DNM3: variants seen among roughly 807,000 people sequenced by gnomAD.
The protein encoded by DNM3 is dynamin-3.
Under a neutral mutation model 101.6 loss-of-function variants are expected in DNM3, and 47 were observed. That is an observed-to-expected ratio of 0.46 (90% CI 0.37 to 0.59). The LOEUF is 0.59. Among genes scored for constraint, DNM3 ranks in the 20% least tolerant of loss-of-function variants. The pLI is 0.00. For missense variants in DNM3, 849 were observed against 1,085.7 expected, an observed-to-expected ratio of 0.78 and a Z score of 3.06; for synonymous variants, 385 against 387.9, an observed-to-expected ratio of 0.99 and a Z score of 0.09.
chr1:172,216,856 A>T (rs2060718662), intron 14 of DNM3, among the ~76,000 whole-genome samples: 1 of 152,120 alleles, frequency 6.6e-6, no homozygotes. Flanking sequence ...CAAAGTCAAG[A>T]TAAGCCAATT....
At chr1:171,911,266 C>T (rs994309470) in intron 1 of DNM3, among the ~76,000 whole-genome samples, 3 of 147,232 alleles carry the variant, frequency 2.0e-5, no homozygotes, top group Non-Finnish European at 4.5e-5. Context: ...TCACTTTACC[C>T]CAACATCTTT....
rs756344828 is a variant in DNM3, at chr1:172,411,539, A to T, written c.*3698A>T. ...GTCATTTTTCCTCTATGGTAGAAGT[A>T]AAAAAAAAAAAAAAGGACATAGCAA... On this transcript the variant is annotated 3_prime_UTR_variant, in exon 21 of 21. Coordinates refer to ENST00000627582, the MANE Select transcript of DNM3 (RefSeq NM_015569.5). 15 of 115,750 alleles carry T rather than the reference A, an allele frequency of 1.3e-4. No individual in the cohort carries two copies. The highest frequency in any genetic ancestry group is 2.4e-4 in the African/African-American group (7 of 29,428). 7.2% of individuals were successfully genotyped at this position (115,750 alleles called of 1,614,324 possible).
rs769422449 is a variant in DNM3, at chr1:172,042,158, G to A, written c.1128+14G>A. ...GAGATAGTAAAGGTTTGTGTCAAAC[G>A]TTATTTTTTTCTTAGTTTCACTTCA... is the stretch of plus-strand genomic sequence containing the variant. On this transcript the variant is annotated intron_variant, in intron 8 of 20. Transcript: ENST00000627582. The A allele has an allele frequency of 6.3e-7, 1 of 1,577,608 alleles. No individual in the cohort carries two copies. Among genetic ancestry groups the A allele is most frequent in the Non-Finnish European group, 8.6e-7 (1 of 1,168,606 alleles).
At chr1:172,318,266 C>T (rs2065495853) in intron 16 of DNM3, among the ~76,000 whole-genome samples, 2 of 152,034 alleles carry the variant, frequency 1.3e-5, no homozygotes, top group South Asian at 4.2e-4. Context: ...TATGACAAAC[C>T]CACAGCCAAT....
intron 14 of DNM3, among the ~76,000 whole-genome samples, chr1:172,147,381 G>A (rs2057953627): frequency 6.6e-6 from 1 of 152,098 alleles, no homozygotes; most frequent in African/African-American, 2.4e-5. Flanking sequence ...AGAAAGCAAG[G>A]TTGGACATGA....
At chr1:172,333,792 G>A (rs1277280069) in intron 17 of DNM3, among the ~76,000 whole-genome samples, 1 of 151,936 alleles carries the variant, frequency 6.6e-6, no homozygotes, top group African/African-American at 2.4e-5. Flanking sequence ...TATTATTTAG[G>A]GATATCTAAT....
chr1:172,056,797 C>T (rs2050669420), intron 10 of DNM3, among the ~76,000 whole-genome samples: 1 of 152,244 alleles, frequency 6.6e-6, no homozygotes, highest in Non-Finnish European at 1.5e-5. Flanking sequence ...CTCTCCTCCT[C>T]CAAAGGAACA....
chr1:172,305,742 A>G (rs2064773860), intron 15 of DNM3, among the ~76,000 whole-genome samples: 1 of 152,216 alleles, frequency 6.6e-6, no homozygotes, highest in African/African-American at 2.4e-5. Context: ...ACAAATCAAT[A>G]AACATAATTC....
In DNM3 at chr1:172,153,091, G is replaced by A. The variant is rs189727436; in HGVS notation, c.1659+21803G>A. On this transcript the variant is annotated intron_variant, in intron 14 of 20. Transcript: ENST00000627582. Reference sequence around the variant, plus strand: ...GTTAAATGAAACCTTTGCTTTTTTGGATTCAACTGAGATATCAGAGAAGGA... The same window carrying A: ...GTTAAATGAAACCTTTGCTTTTTTGAATTCAACTGAGATATCAGAGAAGGA... Among the ~76,000 whole-genome samples, 416 of 152,024 alleles carry A rather than the reference G, an allele frequency of 2.7e-3. 3 individuals are homozygous for A. Among genetic ancestry groups the A allele is most frequent in the African/African-American group, 9.3e-3 (387 of 41,520 alleles).
chr1:172,266,600 A>G (rs1430520356), intron 15 of DNM3, among the ~76,000 whole-genome samples: 1 of 152,190 alleles, frequency 6.6e-6, no homozygotes, highest in Non-Finnish European at 1.5e-5. Context: ...CAAAATGCTA[A>G]GTGAGAATTG....
chr1:172,197,692 CT>C (rs1164708932), intron 14 of DNM3, among the ~76,000 whole-genome samples: 2 of 151,700 alleles, frequency 1.3e-5, no homozygotes, highest in Admixed American at 1.3e-4. Context: ...GATTGCCTTT[CT>C]GATTTGACTC....
At chr1:172,225,386 C>T (rs1163628065) in intron 14 of DNM3, among the ~76,000 whole-genome samples, 2 of 151,870 alleles carry the variant, frequency 1.3e-5, no homozygotes, top group African/African-American at 2.4e-5. Context: ...CCACCTGCCT[C>T]GGCCTCCCAA....
At chr1:171,934,654 G>C (rs995224164) in intron 2 of DNM3, among the ~76,000 whole-genome samples, 1 of 152,176 alleles carries the variant, frequency 6.6e-6, no homozygotes, top group Non-Finnish European at 1.5e-5. Flanking sequence ...TAAGAGCTTA[G>C]GCAAGGTTAG....
At chr1:172,246,848 C>G (rs756848977) in intron 14 of DNM3, among the ~76,000 whole-genome samples, 1 of 152,068 alleles carries the variant, frequency 6.6e-6, no homozygotes, top group Non-Finnish European at 1.5e-5. Context: ...GGCTTTGGTC[C>G]CTACCCATAA....
At chr1:172,041,891 G>A (rs1039192116) in intron 7 of DNM3, 118 bp from the exon 8 acceptor site, 28 of 1,070,734 alleles carry the variant, frequency 2.6e-5, no homozygotes, top group Non-Finnish European at 3.6e-5. Context: ...AACTCTGCCA[G>A]TAGGTGCCAC....
chr1:171,874,272 T>A (rs1571354442), intron 1 of DNM3, among the ~76,000 whole-genome samples: 2 of 152,212 alleles, frequency 1.3e-5, no homozygotes. Flanking sequence ...TATGTGTAGA[T>A]ATACACATAT....
chr1:171,971,887 C>T (rs1375810199), intron 2 of DNM3, among the ~76,000 whole-genome samples: 1 of 151,996 alleles, frequency 6.6e-6, no homozygotes, highest in Admixed American at 6.6e-5. Flanking sequence ...CTGATTAGAC[C>T]AGAAGGGGAG....
chr1:171,858,433 C>T (rs2033832978), intron 1 of DNM3, among the ~76,000 whole-genome samples: 1 of 152,060 alleles, frequency 6.6e-6, no homozygotes, highest in Admixed American at 6.6e-5. Flanking sequence ...AGCTTTCCTA[C>T]CCGATAACCA....
At chr1:171,849,702 A>G (rs2032685679) in intron 1 of DNM3, among the ~76,000 whole-genome samples, 2 of 152,132 alleles carry the variant, frequency 1.3e-5, no homozygotes, top group Non-Finnish European at 2.9e-5. Flanking sequence ...CCCAGTTTGT[A>G]TACTCTTCCC....
Sources: gnomAD v4.1 joint callset for allele counts (sites outside exome capture counted in the v4.1 genomes callset) on GRCh38, gnomAD v4.1.1 for gene constraint, MANE v1.5 for transcripts, NCBI Gene and HGNC (gene_info 2026-07-23, HGNC 2026-07-21) for gene names.